EPB41: variants seen among roughly 807,000 people sequenced by gnomAD.
The protein encoded by EPB41 is protein 4.1.
EPB41 carries 65 observed loss-of-function variants against 108.0 expected under a neutral mutation model. That is an observed-to-expected ratio of 0.60 (90% confidence interval 0.49 to 0.74). The LOEUF is 0.74. Among genes scored for constraint, EPB41 ranks in the 30% least tolerant of loss-of-function variants. The pLI is 0.00. For missense variants in EPB41, 875 were observed against 1,037.0 expected (o/e 0.84, Z 2.15); for synonymous variants, 336 against 358.9 (o/e 0.94, Z 0.72).
At chr1:29,070,146 A>G (rs1167011213) in intron 16 of EPB41, 4 of 369,926 alleles carry the variant, frequency 1.1e-5, no homozygotes, top group Non-Finnish European at 1.4e-5. Context: ...TTTCCGTTCT[A>G]ATGTTCACTC....
At chr1:28,995,316 C>A (rs1452254081) in intron 3 of EPB41, among the ~76,000 whole-genome samples, 1 of 152,126 alleles carries the variant, frequency 6.6e-6, no homozygotes, top group African/African-American at 2.4e-5. Context: ...GTAATCCCAG[C>A]ACTTTGGGAG....
intron 5 of EPB41, 140 bp from the exon 6 acceptor site, chr1:29,015,552 C>A (rs1572490366): frequency 3.2e-6 from 2 of 616,528 alleles, no homozygotes; most frequent in Non-Finnish European, 2.9e-6. Flanking sequence ...CCAGCCTGGG[C>A]AACAAGAGTG....
At chr1:29,024,257 C>T (rs1444856635) in intron 7 of EPB41, among the ~76,000 whole-genome samples, 3 of 151,744 alleles carry the variant, frequency 2.0e-5, no homozygotes, top group African/African-American at 7.3e-5. Context: ...ATTGCTTGAA[C>T]CCAGGAGGCG....
intron 16 of EPB41, among the ~76,000 whole-genome samples, chr1:29,094,542 T>C (rs1558295177): frequency 1.3e-5 from 2 of 152,200 alleles, no homozygotes; most frequent in East Asian, 3.9e-4. Flanking sequence ...CCTCCCAGAG[T>C]GCTGGGATTA....
intron 12 of EPB41, among the ~76,000 whole-genome samples, chr1:29,054,853 A>C (rs929160903): frequency 2.0e-5 from 3 of 152,102 alleles, no homozygotes; most frequent in South Asian, 4.2e-4. Flanking sequence ...CGCTGTCTCA[A>C]ATAGTGAAGC....
intron 1 of EPB41, among the ~76,000 whole-genome samples, chr1:28,894,614 G>T (rs1295041009): frequency 6.6e-6 from 1 of 152,146 alleles, no homozygotes; most frequent in Non-Finnish European, 1.5e-5. Flanking sequence ...CAGCTGGGAA[G>T]ATCTGGGGCA....
intron 4 of EPB41, among the ~76,000 whole-genome samples, chr1:29,011,473 A>G (rs746760821): frequency 7.2e-5 from 11 of 152,224 alleles, no homozygotes; most frequent in Admixed American, 2.6e-4. Context: ...GCTATCTACT[A>G]GTCTTTATAG....
At chr1:29,086,525 G>A (rs949146063) in intron 16 of EPB41, among the ~76,000 whole-genome samples, 2 of 151,954 alleles carry the variant, frequency 1.3e-5, no homozygotes. Context: ...ACCCGCCTCA[G>A]CCTCCCAAAG....
chr1:29,062,195 T>C (rs1646681379), intron 15 of EPB41, among the ~76,000 whole-genome samples: 1 of 152,236 alleles, frequency 6.6e-6, no homozygotes, highest in Non-Finnish European at 1.5e-5. Context: ...CTTCAGAGAC[T>C]AGGAAGAATA....
chr1:28,933,786 C>G (rs2093862403), intron 1 of EPB41, among the ~76,000 whole-genome samples: 1 of 151,886 alleles, frequency 6.6e-6, no homozygotes, highest in Non-Finnish European at 1.5e-5. Context: ...TCATGTTGGG[C>G]AAAGCAAGAC....
intron 7 of EPB41, among the ~76,000 whole-genome samples, chr1:29,024,670 A>T (rs1053929958): frequency 6.6e-5 from 10 of 150,876 alleles, no homozygotes; most frequent in African/African-American, 1.7e-4. Context: ...AAATATAAAT[A>T]AAAAAAAATT....
intron 1 of EPB41, among the ~76,000 whole-genome samples, chr1:28,924,888 C>G (rs2093349957): frequency 6.6e-6 from 1 of 151,862 alleles, no homozygotes; most frequent in Non-Finnish European, 1.5e-5. Flanking sequence ...CCTCAACCTC[C>G]TGGGCTCAAG....
At chr1:29,101,273 C>T (rs1665308206) in intron 17 of EPB41, among the ~76,000 whole-genome samples, 1 of 152,010 alleles carries the variant, frequency 6.6e-6, no homozygotes, top group African/African-American at 2.4e-5. Flanking sequence ...TGTATCCTAG[C>T]TCAATCAGGT....
chr1:29,103,656 A>G (rs1162755944), intron 17 of EPB41, among the ~76,000 whole-genome samples: 1 of 151,262 alleles, frequency 6.6e-6, no homozygotes, highest in Non-Finnish European at 1.5e-5. Flanking sequence ...TTTTTATTTT[A>G]TTTGTTTGTT....
At chr1:28,908,718 CTG>C (rs1323937897) in intron 1 of EPB41, among the ~76,000 whole-genome samples, 1 of 151,664 alleles carries the variant, frequency 6.6e-6, no homozygotes, top group Non-Finnish European at 1.5e-5. Flanking sequence ...GCGTGAGCCA[CTG>C]TGCCCGGCCC....
chr1:29,103,089 A>G (rs1160290617), intron 17 of EPB41, among the ~76,000 whole-genome samples: 1 of 152,118 alleles, frequency 6.6e-6, no homozygotes, highest in African/African-American at 2.4e-5. Context: ...TTATATTTTT[A>G]GTAGAGACAG....
At chr1:29,077,741 G>C (rs1328333780) in intron 16 of EPB41, among the ~76,000 whole-genome samples, 1 of 152,134 alleles carries the variant, frequency 6.6e-6, no homozygotes, top group Non-Finnish European at 1.5e-5. Flanking sequence ...CAACCACTCA[G>C]CTTTGCCATT....
At chr1:29,048,656 G>A (rs913131383) in intron 11 of EPB41, among the ~76,000 whole-genome samples, 10 of 152,156 alleles carry the variant, frequency 6.6e-5, no homozygotes, top group African/African-American at 2.4e-4. Flanking sequence ...AGAATTAGAA[G>A]GGAATCCGGG....
At chr1:29,031,098 C>T (rs1455856590) in intron 8 of EPB41, among the ~76,000 whole-genome samples, 3 of 152,162 alleles carry the variant, frequency 2.0e-5, no homozygotes, top group Admixed American at 6.5e-5. Context: ...CGTGAGCCAC[C>T]GTGCCCGGCC....
Sources: allele counts gnomAD v4.1 joint callset (sites outside exome capture counted in the v4.1 genomes callset), GRCh38; gene constraint gnomAD v4.1.1; transcripts MANE v1.5; gene names NCBI Gene and HGNC (gene_info 2026-07-23, HGNC 2026-07-21).